Variants in PDE7B observed in about 807,000 individuals in gnomAD.
PDE7B encodes phosphodiesterase 7B.
Under a neutral mutation model 56.2 loss-of-function variants are expected in PDE7B, and 29 were observed. The ratio of observed to expected loss-of-function variants is 0.52; its 90% CI spans 0.38 to 0.70. The LOEUF is 0.70. PDE7B is among the 30% of genes least tolerant of loss of function. The pLI, the probability that PDE7B is intolerant of heterozygous loss-of-function variation, is 0.00. For missense variants in PDE7B, 490 were observed against 565.0 expected (o/e 0.87, Z 1.35); for synonymous variants, 197 against 196.9 (o/e 1.00, Z 0.00).
At chr6:135,920,201 G>T (rs970379013) in intron 1 of PDE7B, among the ~76,000 whole-genome samples, 3 of 152,082 alleles carry the variant, frequency 2.0e-5, no homozygotes, top group African/African-American at 7.2e-5. Context: ...GAGAATTCAA[G>T]ATCATAATGC....
At chr6:136,182,140 A>AG (rs1779076879) in intron 11 of PDE7B, among the ~76,000 whole-genome samples, 2 of 152,328 alleles carry the variant, frequency 1.3e-5, no homozygotes, top group South Asian at 4.1e-4. Flanking sequence ...AGCAACAGTG[A>AG]GCCTTTTGGA....
At chr6:136,068,500 G>A (rs1204646655) in intron 2 of PDE7B, among the ~76,000 whole-genome samples, 2 of 146,242 alleles carry the variant, frequency 1.4e-5, no homozygotes, top group African/African-American at 2.6e-5. Context: ...GCGCGATCTC[G>A]GCTGACTGCA....
intron 3 of PDE7B, among the ~76,000 whole-genome samples, chr6:136,130,197 G>A (rs573769796): frequency 1.3e-5 from 2 of 152,118 alleles, no homozygotes; most frequent in Non-Finnish European, 2.9e-5. Flanking sequence ...CTCATAGAGC[G>A]CAACTCTCAA....
At chr6:135,903,738 G>A (rs1332993621) in intron 1 of PDE7B, among the ~76,000 whole-genome samples, 1 of 152,116 alleles carries the variant, frequency 6.6e-6, no homozygotes. Flanking sequence ...GGTAATAAAT[G>A]AGTTCAGTAT....
intron 2 of PDE7B, among the ~76,000 whole-genome samples, chr6:136,073,298 G>A (rs1777079240): frequency 6.6e-6 from 1 of 152,154 alleles, no homozygotes; most frequent in African/African-American, 2.4e-5. Flanking sequence ...CCTTCTTTGT[G>A]TGTAAAGAAC....
At chr6:135,959,159 A>G (rs78343346) in intron 2 of PDE7B, among the ~76,000 whole-genome samples, 2,442 of 152,270 alleles carry the variant, frequency 0.016, 23 homozygotes, top group Non-Finnish European at 0.022. Flanking sequence ...AATTGAAGAC[A>G]TCATTCTAAA....
chr6:136,168,789 A>G (rs947595224), intron 8 of PDE7B, among the ~76,000 whole-genome samples: 4 of 152,166 alleles, frequency 2.6e-5, no homozygotes, highest in Non-Finnish European at 5.9e-5. Flanking sequence ...AAACCACAAG[A>G]TTTTTAGCAA....
chr6:135,908,955 C>G (rs185820204), intron 1 of PDE7B, among the ~76,000 whole-genome samples: 95 of 152,210 alleles, frequency 6.2e-4, no homozygotes, highest in African/African-American at 2.2e-3. Flanking sequence ...AAATATTTGC[C>G]TTTTTCAATT....
At chr6:136,141,360 G>C (rs1415383188) in intron 3 of PDE7B, among the ~76,000 whole-genome samples, 2 of 152,046 alleles carry the variant, frequency 1.3e-5, no homozygotes, top group Non-Finnish European at 2.9e-5. Flanking sequence ...CTGCTGGATT[G>C]GGTTTGCCAG....
chr6:136,088,306 G>C (rs761835927), intron 2 of PDE7B, among the ~76,000 whole-genome samples: 171 of 152,264 alleles, frequency 1.1e-3, no homozygotes, highest in Middle Eastern at 3.4e-3. Flanking sequence ...AGCCCCACAA[G>C]GGGGGAGTGG....
Position 136,179,018 on chromosome 6 carries a change from G to A in PDE7B, c.825G>A (p.Leu275=), listed in dbSNP as rs769055285. The A allele has an allele frequency of 6.2e-7, 1 of 1,613,996 alleles. No homozygotes were observed. The highest frequency in any genetic ancestry group is 1.3e-5 in the African/African-American group (1 of 74,904). The change falls in exon 10 of 13, where the codon CTG becomes CTA. Residue 275 remains leucine (L), a synonymous_variant. Coordinates refer to ENST00000308191, the MANE Select transcript of PDE7B (RefSeq NM_018945.4). Reference sequence around the variant, plus strand: ...GCAGACAGGATATTGAACAGCAGCTGGGCTCCTTGATCTTGGCAACAGACA... The same window carrying A: ...GCAGACAGGATATTGAACAGCAGCTAGGCTCCTTGATCTTGGCAACAGACA... ...KEMTQDIEQQ[L]GSLILATDIN...
chr6:135,887,560 T>G (rs1451781482), intron 1 of PDE7B, among the ~76,000 whole-genome samples: 1 of 152,176 alleles, frequency 6.6e-6, no homozygotes, highest in African/African-American at 2.4e-5. Context: ...ACACTTAAGT[T>G]TGATATTTAT....
intron 8 of PDE7B, among the ~76,000 whole-genome samples, chr6:136,167,645 T>C (rs1778816587): frequency 6.6e-6 from 1 of 152,182 alleles, no homozygotes; most frequent in South Asian, 2.1e-4. Context: ...CGGACTAATA[T>C]ACCATCTCTA....
chr6:136,050,412 TA>T (rs55900919), intron 2 of PDE7B, among the ~76,000 whole-genome samples: 65 of 148,020 alleles, frequency 4.4e-4, no homozygotes, highest in South Asian at 1.5e-3. Flanking sequence ...ACCAGAAAAT[TA>T]AAAAAAAAAA....
At chr6:135,857,655 T>C (rs1329499034) in intron 1 of PDE7B, among the ~76,000 whole-genome samples, 1 of 152,270 alleles carries the variant, frequency 6.6e-6, no homozygotes, top group South Asian at 2.1e-4. Flanking sequence ...ATTGTTTATT[T>C]TTGCATTGTT....
intron 2 of PDE7B, among the ~76,000 whole-genome samples, chr6:135,951,137 A>G (rs75155011): frequency 0.012 from 1,805 of 152,300 alleles, 42 homozygotes; most frequent in African/African-American, 0.04. Context: ...CCAAATTGTA[A>G]TATATGTTGC....
chr6:135,978,265 A>C lies in PDE7B; in HGVS notation c.82+30741A>C, dbSNP rs189674561. Among the ~76,000 whole-genome samples, 11 of 152,306 alleles carry C rather than the reference A, an allele frequency of 7.2e-5. No homozygotes were observed. In the East Asian group the frequency reaches 2.1e-3, roughly 29 times the overall value. ...ACAGAATTTGTGTATCTAAACATAG[A>C]AAAGGTACAGTAAAAACATGATACA... On this transcript the variant is annotated intron_variant, in intron 2 of 12. Transcript: ENST00000308191.
chr6:135,885,165 T>C (rs1775679966), intron 1 of PDE7B, among the ~76,000 whole-genome samples: 1 of 152,120 alleles, frequency 6.6e-6, no homozygotes, highest in African/African-American at 2.4e-5. Context: ...ATATTTGATA[T>C]CTCTCAATTT....
At chr6:136,104,328 A>C (rs1487021145) in intron 2 of PDE7B, among the ~76,000 whole-genome samples, 1 of 152,188 alleles carries the variant, frequency 6.6e-6, no homozygotes, top group East Asian at 1.9e-4. Flanking sequence ...AAGAAAAAAA[A>C]CAAGTTGCTT....
Sources: gnomAD v4.1 joint callset for allele counts (sites outside exome capture counted in the v4.1 genomes callset) on GRCh38, gnomAD v4.1.1 for gene constraint, MANE v1.5 for transcripts, NCBI Gene and HGNC (gene_info 2026-07-23, HGNC 2026-07-21) for gene names.